The following LAMA3 variants were observed in gnomAD, a reference collection of about 807,000 sequenced individuals.
LAMA3 encodes laminin subunit alpha-3.
In LAMA3, 281 loss-of-function variants were observed where a neutral mutation model predicts 402.0. The observed-to-expected ratio is 0.70, with a 90% CI of 0.63 to 0.77. The LOEUF is 0.77. Ranked by LOEUF, LAMA3 falls within the 30% of genes least tolerant of loss-of-function variation. The probability of loss-of-function intolerance (pLI) is 0.00; values close to 1 mark genes in which losing one functional copy is unlikely to be tolerated. For missense variants in LAMA3, 3,840 were observed against 4,215.5 expected (o/e 0.91, Z 2.47); for synonymous variants, 1,431 against 1,558.4 (o/e 0.92, Z 1.93).
In LAMA3 at chr18:23,845,024, G is replaced by C. The variant is rs2144617004; in HGVS notation, c.3619G>C (p.Val1207Leu). The C allele has an allele frequency of 6.3e-7, 1 of 1,598,690 alleles. No homozygotes were observed. The highest frequency in any genetic ancestry group is 8.6e-7 in the Non-Finnish European group (1 of 1,165,928). ...KSLVLVRVLV[V>L]PAENYDYQIL... ...TTTCTTTCAGGTCCGTGTTCTAGTGGTGCCTGCAGAAAACTATGACTACCA... is the reference window on the plus strand; with the variant it reads ...TTTCTTTCAGGTCCGTGTTCTAGTGCTGCCTGCAGAAAACTATGACTACCA... The change falls in exon 30 of 75, where the codon GTG becomes CTG. Residue 1207 changes from valine to leucine, a missense_variant. Physicochemically the swap from Val to Leu is conservative, Grantham distance 32 (BLOSUM62 1). This residue lies in a region of LAMA3 where 2,109 missense variants were observed against 2,376.0 expected (regional missense o/e 0.89). Coordinates refer to ENST00000313654, the MANE Select transcript of LAMA3 (RefSeq NM_198129.4).
intron 67 of LAMA3, 135 bp downstream of exon 67, chr18:23,934,070 G>A (rs1178274074): frequency 2.3e-6 from 2 of 851,310 alleles, no homozygotes; most frequent in African/African-American, 3.3e-5. Flanking sequence ...ATCAACAGTT[G>A]AATCACACCA....
chr18:23,923,304 G>A (rs2081903058), intron 62 of LAMA3, among the ~76,000 whole-genome samples: 1 of 152,236 alleles, frequency 6.6e-6, no homozygotes, highest in South Asian at 2.1e-4. Context: ...CTGGATTAGA[G>A]AAGAAAAGGG....
Position 23,833,952 on chromosome 18 carries a change from T to C in LAMA3, c.2948T>C (p.Leu983Pro), listed in dbSNP as rs750398291. 1.2e-6 allele frequency: 2 copies of C among 1,614,246 alleles called. No individual in the cohort carries two copies. Among genetic ancestry groups the C allele is most frequent in the South Asian group, 1.1e-5 (1 of 91,088 alleles). ...DVNVKSSGSV[L>P]AGQVNIYSCN... ...AATGTGAAGAGCTCCGGGTCTGTTC[T>C]GGCAGGCCAGGTGAACATTTACAGC... Residue 983 changes from leucine to proline, a missense_variant, in exon 24 of 75, where the codon CTG (leucine) becomes CCG (proline). By Grantham distance (98) the Leu-to-Pro change is moderately conservative. Transcript: ENST00000313654.
At chr18:23,694,184 A>G (rs1421256821) in intron 1 of LAMA3, among the ~76,000 whole-genome samples, 1 of 152,238 alleles carries the variant, frequency 6.6e-6, no homozygotes, top group Admixed American at 6.5e-5. Context: ...AGAAGCTCAG[A>G]AAATACATGT....
chr18:23,909,569 CCA>C (rs1357588235), intron 55 of LAMA3, among the ~76,000 whole-genome samples: 1 of 152,150 alleles, frequency 6.6e-6, no homozygotes, highest in African/African-American at 2.4e-5. Flanking sequence ...CTTCCAGGCC[CCA>C]GTTTGTAAAC....
At chr18:23,811,303 T>C (rs1456647360) in intron 13 of LAMA3, among the ~76,000 whole-genome samples, 3 of 152,096 alleles carry the variant, frequency 2.0e-5, no homozygotes, top group Non-Finnish European at 4.4e-5. Context: ...GAAGAGGTGT[T>C]TGTGGAAGGC....
chr18:23,946,505 G>A, intron 70 of LAMA3: 2 of 574,728 alleles, frequency 3.5e-6, no homozygotes, highest in East Asian at 3.1e-5. Context: ...GCCCTGAAAG[G>A]GTGAAGATAG....
intron 69 of LAMA3, among the ~76,000 whole-genome samples, chr18:23,944,310 C>G (rs2082632074): frequency 6.6e-6 from 1 of 152,204 alleles, no homozygotes; most frequent in Non-Finnish European, 1.5e-5. Context: ...CCTCCAGGCC[C>G]CTCTCTGGAC....
At chr18:23,838,409 A>G (rs1244726191) in intron 25 of LAMA3, among the ~76,000 whole-genome samples, 1 of 152,042 alleles carries the variant, frequency 6.6e-6, no homozygotes, top group East Asian at 1.9e-4. Flanking sequence ...CCCACACCAC[A>G]TCCCCTATCT....
intron 40 of LAMA3, among the ~76,000 whole-genome samples, chr18:23,884,461 G>A (rs1174194245): frequency 6.6e-6 from 1 of 152,070 alleles, no homozygotes; most frequent in East Asian, 1.9e-4. Flanking sequence ...GTTATTCCTG[G>A]AAAAATGCTG....
intron 5 of LAMA3, among the ~76,000 whole-genome samples, chr18:23,752,874 T>G (rs2061777750): frequency 6.6e-6 from 1 of 152,230 alleles, no homozygotes; most frequent in African/African-American, 2.4e-5. Flanking sequence ...AAAGACTTCT[T>G]GCTGACAGAT....
At chr18:23,791,285 A>G (rs1343287712) in intron 12 of LAMA3, among the ~76,000 whole-genome samples, 1 of 152,194 alleles carries the variant, frequency 6.6e-6, no homozygotes, top group African/African-American at 2.4e-5. Context: ...CATAACTCAG[A>G]GTGTGGAGAC....
At chr18:23,746,773 A>G (rs1374897051) in intron 2 of LAMA3, among the ~76,000 whole-genome samples, 1 of 151,942 alleles carries the variant, frequency 6.6e-6, no homozygotes, top group Non-Finnish European at 1.5e-5. Context: ...ATAATTTTTA[A>G]AAATATAAAG....
At chr18:23,776,061 T>A (rs2143903730) in intron 10 of LAMA3, 138 bp downstream of exon 10, 2 of 881,640 alleles carry the variant, frequency 2.3e-6, no homozygotes, top group South Asian at 2.7e-5. Context: ...TATGTAAAAG[T>A]GTTTCTGAAA....
intron 1 of LAMA3, among the ~76,000 whole-genome samples, chr18:23,707,219 G>C (rs1438410035): frequency 6.6e-6 from 1 of 152,232 alleles, no homozygotes. Context: ...AGGATGGACT[G>C]GATGGCCTAA....
intron 3 of LAMA3, 100 bp downstream of exon 3, chr18:23,748,160 G>A: frequency 1.2e-6 from 1 of 844,182 alleles, no homozygotes; most frequent in Non-Finnish European, 2.0e-6. Context: ...TGGGTGTGGT[G>A]GCTCACCCCT....
Position 23,861,572 on chromosome 18 carries a change from A to G in LAMA3, c.4423-74A>G, listed in dbSNP as rs191074178. ...GGCTGCCCGTGGAGCTTTCTGTAGT[A>G]CATCATGCACCCATCACCCCAGGGA... On this transcript the variant is annotated intron_variant, in intron 34 of 74. Transcript: ENST00000313654. 1.9e-3 allele frequency: 3,004 copies of G among 1,544,044 alleles called. 7 individuals carry two copies. Among genetic ancestry groups the G allele is most frequent in the Non-Finnish European group, 2.3e-3 (2,618 of 1,117,622 alleles).
Position 23,907,561 on chromosome 18 carries a change from G to C in LAMA3, c.6730G>C (p.Ala2244Pro), listed in dbSNP as rs117800082. The C allele has an allele frequency of 3.5e-5, 56 of 1,612,078 alleles. No individual in the cohort carries two copies. In the South Asian group the frequency reaches 6.0e-4, roughly 17 times the overall value. The stretch of plus-strand genomic sequence containing the variant: ...TTATTTTATTTTAGAAGTCAGTCCA[G>C]CTCTCAACAACCTACAGCAAACCCT... ...QKKLKQEVSP[A>P]LNNLQQTLNI... Residue 2244 changes from alanine (A) to proline (P), a missense_variant, in exon 53 of 75, where the codon GCT becomes CCT. Physicochemically the swap from Ala to Pro is conservative, Grantham distance 27 (BLOSUM62 -1). Transcript: ENST00000313654.
At chr18:23,946,051 AT>A (rs368124937) in intron 69 of LAMA3, 92 bp from the exon 70 acceptor site, 15,219 of 1,251,892 alleles carry the variant, frequency 0.012, 262 homozygotes, top group South Asian at 0.065. Context: ...GCATGAAAAC[AT>A]TTTTTTTTAA....
Sources: gnomAD v4.1 joint callset for allele counts (sites outside exome capture counted in the v4.1 genomes callset) on GRCh38, gnomAD v4.1.1 for gene constraint, gnomAD v4.1.1 regional missense constraint, MANE v1.5 for transcripts, NCBI Gene and HGNC (gene_info 2026-07-23, HGNC 2026-07-21) for gene names.